Variants in ADAP1 observed in about 807,000 individuals in gnomAD.
The protein encoded by ADAP1 is ArfGAP with dual PH domains 1.
Under a neutral mutation model 54.9 loss-of-function variants are expected in ADAP1, and 31 were observed. The observed-to-expected ratio is 0.56, with a 90% CI of 0.42 to 0.76. The LOEUF (loss-of-function observed/expected upper bound fraction) is 0.76. Among genes scored for constraint, ADAP1 ranks in the 30% least tolerant of loss-of-function variants. ADAP1 has a pLI of 0.00. For synonymous variants in ADAP1, 313 were observed against 202.6 expected, an observed-to-expected ratio of 1.55 and a Z score of -4.63; for missense variants, 535 against 512.4, an observed-to-expected ratio of 1.04 and a Z score of -0.42.
chr7:919,544 G>C (rs1204972525), intron 4 of ADAP1, among the ~76,000 whole-genome samples: 1 of 141,844 alleles, frequency 7.1e-6, no homozygotes, highest in Non-Finnish European at 1.5e-5. Context: ...GAAGGAGAGA[G>C]AGAGGGAGAG....
At chr7:907,846 G>A (rs1042159611) in intron 4 of ADAP1, among the ~76,000 whole-genome samples, 10 of 152,124 alleles carry the variant, frequency 6.6e-5, no homozygotes, top group Non-Finnish European at 1.2e-4. Flanking sequence ...GGATCACGGG[G>A]CCGTCTGCCA....
At chr7:940,277 G>A (rs1328005536) in intron 1 of ADAP1, among the ~76,000 whole-genome samples, 3 of 151,226 alleles carry the variant, frequency 2.0e-5, no homozygotes, top group Non-Finnish European at 2.9e-5. Flanking sequence ...GGTGGAGGTT[G>A]CAGTGAGCCG....
intron 8 of ADAP1, 145 bp downstream of exon 8, chr7:899,957 G>T (rs575102483): frequency 2.0e-6 from 2 of 1,015,742 alleles, no homozygotes; most frequent in Non-Finnish European, 3.0e-6. Flanking sequence ...CGGGGACCCC[G>T]GCCAGGCACA....
At position 927,176 on chromosome 7, in the gene ADAP1, A is replaced by C. The variant is rs749737285; in HGVS notation, c.214-532T>G. On this transcript the variant is annotated intron_variant, in intron 2 of 10. Transcript: ENST00000265846. ...GACTCTGCAGGGACACACTGCAGGG[A>C]CCCAGAACATGTTTACGAAACAGGC... The C allele has an allele frequency of 1.0e-5, 13 of 1,298,188 alleles. No individual in the cohort carries two copies. In the South Asian group the frequency reaches 1.4e-4, roughly 14 times the overall value. The allele number at this position is 1,298,188 out of a possible 1,614,324, so 80.4% of individuals were successfully genotyped here.
At chr7:912,597 T>C (rs916224428) in intron 4 of ADAP1, among the ~76,000 whole-genome samples, 12 of 152,206 alleles carry the variant, frequency 7.9e-5, no homozygotes, top group African/African-American at 2.9e-4. Context: ...CGGTCCTTTG[T>C]CGTCAAAGAG....
At chr7:942,472 G>A (rs1381079414) in intron 1 of ADAP1, among the ~76,000 whole-genome samples, 4 of 65,538 alleles carry the variant, frequency 6.1e-5, no homozygotes. Context: ...GAGGAGGAAG[G>A]GAGGAGGAGG....
intron 6 of ADAP1, chr7:901,283 T>A: frequency 2.9e-6 from 1 of 343,904 alleles, no homozygotes; most frequent in Non-Finnish European, 5.7e-6. Context: ...GCGCCCCTCC[T>A]GGGGTCTGCC....
chr7:929,279 G>C (rs1357616667), intron 2 of ADAP1, among the ~76,000 whole-genome samples: 1 of 147,920 alleles, frequency 6.8e-6, no homozygotes, highest in African/African-American at 2.5e-5. Flanking sequence ...CTGACAGAGC[G>C]AGACTCCATC....
At chr7:942,302 G>C (rs1846959694) in intron 1 of ADAP1, among the ~76,000 whole-genome samples, 1 of 150,528 alleles carries the variant, frequency 6.6e-6, no homozygotes, top group African/African-American at 2.4e-5. Context: ...AGAGAGAGGA[G>C]GAGGAGGAAG....
chr7:902,475 A>AAATGCCTGGGCGG (rs1491159593), intron 6 of ADAP1, among the ~76,000 whole-genome samples: 2 of 142,266 alleles, frequency 1.4e-5, no homozygotes, highest in African/African-American at 2.7e-5. Flanking sequence ...AAAAAAAGAA[A>AAATGCCTGGGCGG]GAAAAGAAAG....
At chr7:954,868 C>T (rs1189034089), upstream of ADAP1, among the ~76,000 whole-genome samples, 2 of 151,908 alleles carry the variant, frequency 1.3e-5, no homozygotes, top group African/African-American at 4.8e-5. Context: ...TCCCACCTGC[C>T]TGGGCGCGAG....
chr7:951,348 G>A lies in ADAP1; in HGVS notation c.82+3048C>T, dbSNP rs528275351. ...AGATCGCACCACTGCAGTCCAGCCT[G>A]GGCGACAGAGCGAGACTCCGTCTCA... On this transcript the variant is annotated intron_variant, in intron 1 of 10. Coordinates refer to ENST00000265846, the MANE Select transcript of ADAP1 (RefSeq NM_006869.4). 2.0e-5 allele frequency among the ~76,000 whole-genome samples: 3 copies of A among 151,772 alleles called. No homozygotes were observed. In the South Asian group the frequency reaches 6.3e-4, roughly 32 times the overall value.
intron 1 of ADAP1, among the ~76,000 whole-genome samples, chr7:943,255 G>GGA (rs565861985): frequency 0.019 from 229 of 11,914 alleles, 57 homozygotes; most frequent in Middle Eastern, 0.12. Context: ...GAGGAGGAAG[G>GGA]GAGAGGAGGA....
In ADAP1 at chr7:935,448, A is replaced by C; in HGVS notation, c.140T>G (p.Ile47Ser). 2.6e-6 allele frequency: 4 copies of C among 1,560,742 alleles called. No individual in the cohort carries two copies. Among genetic ancestry groups the C allele is most frequent in the East Asian group, 2.4e-5 (1 of 41,572 alleles). The part of the protein sequence containing the change: ...GVFICLSCSG[I>S]HRNIPQVSKV... The stretch of plus-strand genomic sequence containing the variant: ...GCTGACCTGGGGGATATTCCGGTGG[A>C]TTCCCGAGCAGCTCAGGCAGATGAA... The change falls in exon 2 of 11, where the codon ATC becomes AGC. Residue 47 changes from isoleucine (I) to serine (S), a missense_variant. Coordinates refer to ENST00000265846, the MANE Select transcript of ADAP1 (RefSeq NM_006869.4).
intron 4 of ADAP1, 139 bp from the exon 5 acceptor site, chr7:905,311 A>AGACGGG (rs1845079574): frequency 1.9e-5 from 5 of 265,858 alleles, no homozygotes; most frequent in South Asian, 3.3e-5. Flanking sequence ...GGGGAGACGG[A>AGACGGG]CGGGGAGAGG....
intron 4 of ADAP1, among the ~76,000 whole-genome samples, chr7:905,781 A>AGGG: frequency 3.4e-5 from 3 of 87,538 alleles, no homozygotes; most frequent in African/African-American, 1.1e-4. Context: ...AGAAAGGAGA[A>AGGG]AGGAGAAAGG....
Position 926,505 on chromosome 7 carries a change from G to C in ADAP1, c.305+48C>G. 1 of 1,465,692 alleles carries C rather than the reference G, an allele frequency of 6.8e-7. No homozygotes were observed. Among genetic ancestry groups the C allele is most frequent in the Non-Finnish European group, 9.1e-7 (1 of 1,103,976 alleles). The allele number at this position is 1,465,692 out of a possible 1,614,324, so 90.8% of individuals were successfully genotyped here. ...CGGGTCCTCCCGGGGCCATCTCGGA[G>C]CCACCCAGCACTTGACCATGGCCCT... On this transcript the variant is annotated intron_variant, in intron 3 of 10. Coordinates refer to ENST00000265846, the MANE Select transcript of ADAP1 (RefSeq NM_006869.4). The surrounding 1 kb of genome is among the most constrained non-coding windows in gnomAD (Gnocchi z 4.6).
In ADAP1 at chr7:920,539, G is replaced by A. The variant is rs1045941724; in HGVS notation, c.306-489C>T. Among the ~76,000 whole-genome samples the A allele has an allele frequency of 4.0e-5, 6 of 150,650 alleles. No homozygotes were observed. In the East Asian group the frequency reaches 7.9e-4, roughly 20 times the overall value. ...GCACCCCCCGTGCCGCCCTCCACCCGCCGTGCCGCCCTCCACGTGGTTCTG... is the reference window on the plus strand; with the variant it reads ...GCACCCCCCGTGCCGCCCTCCACCCACCGTGCCGCCCTCCACGTGGTTCTG... On this transcript the variant is annotated intron_variant, in intron 3 of 10. Transcript: ENST00000265846. This position sits in a 1 kb window ranked among gnomAD's most constrained non-coding sequence, Gnocchi z 4.5.
At chr7:906,859 G>T (rs1193360326) in intron 4 of ADAP1, among the ~76,000 whole-genome samples, 1 of 122,636 alleles carries the variant, frequency 8.2e-6, no homozygotes, top group Non-Finnish European at 1.8e-5. Context: ...GGATATGACA[G>T]TGGACCAGCG....
Sources: allele counts gnomAD v4.1 joint callset (sites outside exome capture counted in the v4.1 genomes callset), GRCh38; gene constraint gnomAD v4.1.1; non-coding constraint Gnocchi (gnomAD v3.1); transcripts MANE v1.5; gene names NCBI Gene and HGNC (gene_info 2026-07-23, HGNC 2026-07-21).